RBFOX1: variants seen among roughly 807,000 people sequenced by gnomAD.
RBFOX1 encodes RNA binding protein fox-1 homolog 1.
Under a neutral mutation model 57.7 loss-of-function variants are expected in RBFOX1, and 8 were observed. That is an observed-to-expected ratio of 0.14 (90% CI 0.08 to 0.25). The LOEUF (loss-of-function observed/expected upper bound fraction) is 0.25. Ranked by LOEUF, RBFOX1 falls within the 10% of genes least tolerant of loss-of-function variation. RBFOX1 has a pLI of 1.00. For synonymous variants in RBFOX1, 326 were observed against 222.4 expected (o/e 1.47, Z -4.15); for missense variants, 611 against 548.5 (o/e 1.11, Z -1.14).
Position 6,997,445 on chromosome 16 carries a change from G to A in RBFOX1, c.-15-54612G>A, listed in dbSNP as rs562199043. ...TTGATCAGAGTTCATTTATATCCAC[G>A]AGCATTGCACCAGCAATAAACTTTA... On this transcript the variant is annotated intron_variant, in intron 3 of 15. Coordinates refer to ENST00000550418, the MANE Select transcript of RBFOX1 (RefSeq NM_018723.4). Among the ~76,000 whole-genome samples the A allele has an allele frequency of 5.3e-5, 8 of 152,164 alleles. 1 individual carries two copies. The South Asian group carries it at 8.3e-4, about 16-fold the overall frequency.
chr16:6,631,497 C>G (rs907894845), intron 2 of RBFOX1, among the ~76,000 whole-genome samples: 1 of 151,870 alleles, frequency 6.6e-6, no homozygotes, highest in Non-Finnish European at 1.5e-5. Flanking sequence ...CTTAAAGTTA[C>G]TCCATTCGCT....
chr16:7,531,115 G>A (rs992856399), intron 5 of RBFOX1, among the ~76,000 whole-genome samples: 1 of 152,280 alleles, frequency 6.6e-6, no homozygotes, highest in African/African-American at 2.4e-5. Flanking sequence ...TTTTGAAAGT[G>A]AAAAGGCAAT....
chr16:6,953,201 A>T (rs145247118), intron 3 of RBFOX1, among the ~76,000 whole-genome samples: 3 of 152,242 alleles, frequency 2.0e-5, no homozygotes, highest in East Asian at 1.9e-4. Flanking sequence ...TAAGCTGGGT[A>T]TGTGTCCGGT....
intron 14 of RBFOX1, among the ~76,000 whole-genome samples, chr16:7,698,732 G>A (rs1032531489): frequency 1.3e-5 from 2 of 152,100 alleles, no homozygotes; most frequent in African/African-American, 4.8e-5. Flanking sequence ...AATAAAGTGT[G>A]ATATGTATTA....
intron 2 of RBFOX1, among the ~76,000 whole-genome samples, chr16:6,575,195 G>A (rs936850052): frequency 6.6e-6 from 1 of 152,156 alleles, no homozygotes; most frequent in African/African-American, 2.4e-5. Context: ...TTTTATGCCT[G>A]TGAGTGATTT....
chr16:5,482,114 T>C (rs994700957), intron 2 of RBFOX1, among the ~76,000 whole-genome samples: 2 of 152,188 alleles, frequency 1.3e-5, no homozygotes, highest in Non-Finnish European at 2.9e-5. Flanking sequence ...TGGCGAATCG[T>C]GTGATAAACA....
chr16:7,332,475 C>T (rs1400838106), intron 4 of RBFOX1, among the ~76,000 whole-genome samples: 3 of 152,112 alleles, frequency 2.0e-5, no homozygotes, highest in African/African-American at 7.2e-5. Flanking sequence ...CAGTGCCAAA[C>T]GTTGCCCACA....
chr16:5,618,139 A>G (rs2048094758), intron 3 of RBFOX1, among the ~76,000 whole-genome samples: 2 of 152,278 alleles, frequency 1.3e-5, no homozygotes, highest in South Asian at 4.2e-4. Context: ...AAGTCTTCCC[A>G]CTGCCCGTCC....
intron 3 of RBFOX1, among the ~76,000 whole-genome samples, chr16:7,037,805 A>AC (rs538110443): frequency 6.6e-6 from 1 of 152,106 alleles, no homozygotes; most frequent in African/African-American, 2.4e-5. Flanking sequence ...TGTTCTCTGA[A>AC]CCACTGCATT....
At chr16:6,127,839 A>T (rs1426261363) in intron 1 of RBFOX1, among the ~76,000 whole-genome samples, 2 of 152,128 alleles carry the variant, frequency 1.3e-5, no homozygotes, top group Non-Finnish European at 2.9e-5. Context: ...ACCTAAAAAA[A>T]ATTTTTTTCT....
intron 1 of RBFOX1, among the ~76,000 whole-genome samples, chr16:5,315,467 G>A (rs1258511511): frequency 6.6e-6 from 1 of 152,050 alleles, no homozygotes; most frequent in Non-Finnish European, 1.5e-5. Flanking sequence ...GAGTTTCTTG[G>A]AGCAGCTCCC....
intron 2 of RBFOX1, among the ~76,000 whole-genome samples, chr16:5,513,323 G>T (rs1456668226): frequency 1.3e-5 from 2 of 152,158 alleles, no homozygotes; most frequent in Non-Finnish European, 1.5e-5. Flanking sequence ...TTAGACTAGG[G>T]ATGTATGTTT....
chr16:7,289,645 A>G (rs772562333), intron 4 of RBFOX1, among the ~76,000 whole-genome samples: 3 of 152,152 alleles, frequency 2.0e-5, no homozygotes, highest in East Asian at 1.9e-4. Flanking sequence ...CATGATCATC[A>G]TCAGCATCAC....
chr16:6,712,868 T>C, intron 3 of RBFOX1, among the ~76,000 whole-genome samples: 1 of 148,140 alleles, frequency 6.8e-6, no homozygotes, highest in East Asian at 2.0e-4. Context: ...TGGGAGGTAA[T>C]TGAATCATGG....
At chr16:6,724,903 C>T (rs1236661206) in intron 3 of RBFOX1, among the ~76,000 whole-genome samples, 1 of 152,086 alleles carries the variant, frequency 6.6e-6, no homozygotes, top group Admixed American at 6.6e-5. Flanking sequence ...GGGTAACTTC[C>T]TGACCTTGCT....
chr16:5,533,593 C>T (rs1022018033), intron 2 of RBFOX1, among the ~76,000 whole-genome samples: 1 of 152,158 alleles, frequency 6.6e-6, no homozygotes, highest in African/African-American at 2.4e-5. Context: ...TCCTGGGCCC[C>T]AGTAGACATC....
intron 3 of RBFOX1, among the ~76,000 whole-genome samples, chr16:5,808,712 T>C (rs1448680395): frequency 6.6e-6 from 1 of 152,180 alleles, no homozygotes; most frequent in Non-Finnish European, 1.5e-5. Context: ...ATGATTTGGC[T>C]CTCTGTTTGT....
chr16:7,632,786 T>C (rs2061183290), intron 11 of RBFOX1, among the ~76,000 whole-genome samples: 1 of 152,242 alleles, frequency 6.6e-6, no homozygotes, highest in South Asian at 2.1e-4. Context: ...CTCATTTTTA[T>C]GTTATATTAA....
Position 6,869,496 on chromosome 16 carries a change from C to T in RBFOX1, c.-15-182561C>T, listed in dbSNP as rs145726994. On this transcript the variant is annotated intron_variant, in intron 3 of 15. Coordinates refer to ENST00000550418, the MANE Select transcript of RBFOX1 (RefSeq NM_018723.4). The stretch of plus-strand genomic sequence containing the variant: ...GGTTTTTTTTTTTTAATGTAAATGC[C>T]CTGAGTTTTTCAACACATATAAAAG... Among the ~76,000 whole-genome samples, 881 of 151,570 alleles carry T rather than the reference C, an allele frequency of 5.8e-3. 7 individuals are homozygous for T. Among genetic ancestry groups the T allele is most frequent in the Non-Finnish European group, 7.5e-3 (508 of 67,886 alleles).
Sources: gnomAD v4.1 joint callset for allele counts (sites outside exome capture counted in the v4.1 genomes callset) on GRCh38, gnomAD v4.1.1 for gene constraint, MANE v1.5 for transcripts, NCBI Gene and HGNC (gene_info 2026-07-23, HGNC 2026-07-21) for gene names.